Variants in RAB27A observed in about 807,000 individuals in gnomAD.
RAB27A encodes RAB27A, member RAS oncogene family, also known as ras-related protein Rab-27A.
RAB27A carries 17 observed loss-of-function variants against 20.8 expected under a neutral mutation model. The ratio of observed to expected loss-of-function variants is 0.82; its 90% CI spans 0.56 to 1.23. The LOEUF is 1.23. RAB27A is among the 50% of genes most tolerant of loss of function. The pLI is 0.00. For synonymous variants in RAB27A, 85 were observed against 92.8 expected, an observed-to-expected ratio of 0.92 and a Z score of 0.48; for missense variants, 277 against 266.7, an observed-to-expected ratio of 1.04 and a Z score of -0.27.
chr15:55,238,917 T>A (rs78526068), intron 2 of RAB27A, among the ~76,000 whole-genome samples: 11,611 of 152,262 alleles, frequency 0.076, 693 homozygotes, highest in Admixed American at 0.18. Context: ...CAAAAGAATC[T>A]GGTTCATATT....
chr15:55,305,213 T>C (rs28799296), intron 2 of RAB27A, among the ~76,000 whole-genome samples: 72,204 of 152,022 alleles, frequency 0.47, 20,475 homozygotes, highest in African/African-American at 0.78. Flanking sequence ...TCTCAGTCCC[T>C]ACTCCACAGG....
At chr15:55,214,422 C>T (rs369481901) in intron 6 of RAB27A, among the ~76,000 whole-genome samples, 33 of 152,218 alleles carry the variant, frequency 2.2e-4, no homozygotes, top group African/African-American at 6.3e-4. Context: ...GGCGACAGAG[C>T]GAGACTCCGT....
intron 1 of RAB27A, among the ~76,000 whole-genome samples, chr15:55,273,687 A>C (rs905314693): frequency 6.6e-6 from 1 of 152,222 alleles, no homozygotes. Context: ...TGAATTCATC[A>C]AGCAGATATA....
intron 1 of RAB27A, among the ~76,000 whole-genome samples, chr15:55,279,619 T>G (rs562786857): frequency 3.9e-5 from 6 of 152,346 alleles, no homozygotes; most frequent in Admixed American, 2.6e-4. Context: ...ATAATAATAC[T>G]GACCTAGCAA....
chr15:55,296,851 C>A (rs928808568), intron 2 of RAB27A, among the ~76,000 whole-genome samples: 11 of 151,906 alleles, frequency 7.2e-5, no homozygotes, highest in African/African-American at 2.4e-4. Flanking sequence ...GGGAGGCCCA[C>A]GTTTTGTCAT....
chr15:55,300,386 G>T (rs962414371), intron 2 of RAB27A, among the ~76,000 whole-genome samples: 2 of 152,068 alleles, frequency 1.3e-5, no homozygotes, highest in African/African-American at 4.8e-5. Flanking sequence ...AAAGACAAAA[G>T]GGGTGTTTCT....
At chr15:55,309,332 T>C (rs770717483) in intron 2 of RAB27A, among the ~76,000 whole-genome samples, 15 of 152,240 alleles carry the variant, frequency 9.9e-5, no homozygotes, top group Non-Finnish European at 1.6e-4. Flanking sequence ...CCCTAAGTAT[T>C]AAACCTGCTG....
At chr15:55,251,511 G>C (rs1306249009) in intron 2 of RAB27A, among the ~76,000 whole-genome samples, 1 of 152,130 alleles carries the variant, frequency 6.6e-6, no homozygotes, top group Non-Finnish European at 1.5e-5. Flanking sequence ...ATCCTTTCTT[G>C]TATCTAAATG....
chr15:55,275,931 A>C (rs11858627), intron 1 of RAB27A, among the ~76,000 whole-genome samples: 3 of 150,088 alleles, frequency 2.0e-5, no homozygotes, highest in African/African-American at 7.3e-5. Context: ...AAAAAAAAAA[A>C]AAAAAAAAAC....
chr15:55,233,150 A>C, intron 3 of RAB27A, among the ~76,000 whole-genome samples: 1 of 152,096 alleles, frequency 6.6e-6, no homozygotes, highest in East Asian at 1.9e-4. Flanking sequence ...AAAAAAATTA[A>C]CTGCATACAG....
chr15:55,209,863 C>CGTATACACACATATATGTGT (rs1166125969), intron 6 of RAB27A, among the ~76,000 whole-genome samples: 1 of 18,402 alleles, frequency 5.4e-5, no homozygotes, highest in Admixed American at 8.0e-4. Flanking sequence ...TGTGTATATA[C>CGTATACACACATATATGTGT]ATATATACAT....
intron 2 of RAB27A, among the ~76,000 whole-genome samples, chr15:55,245,822 T>C (rs1395383726): frequency 6.6e-6 from 1 of 152,204 alleles, no homozygotes; most frequent in African/African-American, 2.4e-5. Flanking sequence ...TAAATATACA[T>C]TTCTGGGCCG....
chr15:55,235,023 GT>G, intron 2 of RAB27A, 67 bp from the exon 3 acceptor site: 6 of 1,299,230 alleles, frequency 4.6e-6, no homozygotes, highest in Non-Finnish European at 6.4e-6. Context: ...CATTTAAAAA[GT>G]GACAACAATA....
At chr15:55,252,797 A>G (rs1335465756) in intron 2 of RAB27A, among the ~76,000 whole-genome samples, 1 of 152,136 alleles carries the variant, frequency 6.6e-6, no homozygotes, top group Non-Finnish European at 1.5e-5. Flanking sequence ...AGTTACAGCA[A>G]TTTATTCAAT....
chr15:55,275,425 G>T (rs1897837601), intron 1 of RAB27A, among the ~76,000 whole-genome samples: 1 of 151,808 alleles, frequency 6.6e-6, no homozygotes, highest in African/African-American at 2.4e-5. Flanking sequence ...GCAGGAGTTT[G>T]AAACCAGCCT....
intron 1 of RAB27A, among the ~76,000 whole-genome samples, chr15:55,283,586 T>G (rs1429355423): frequency 2.0e-5 from 3 of 152,186 alleles, no homozygotes; most frequent in East Asian, 3.9e-4. Flanking sequence ...GACAATGACT[T>G]ATCTTTTCAA....
chr15:55,229,576 G>A (rs1895950908), intron 4 of RAB27A, among the ~76,000 whole-genome samples: 1 of 151,994 alleles, frequency 6.6e-6, no homozygotes, highest in Non-Finnish European at 1.5e-5. Context: ...TCGGGAGGCT[G>A]AGGCAGGAGA....
At chr15:55,254,920 T>C (rs1897025521) in intron 2 of RAB27A, among the ~76,000 whole-genome samples, 1 of 152,238 alleles carries the variant, frequency 6.6e-6, no homozygotes, top group African/African-American at 2.4e-5. Flanking sequence ...AATTTAGTTG[T>C]CCAAGTATTA....
intron 5 of RAB27A, 78 bp from the exon 6 acceptor site, chr15:55,224,090 G>T: frequency 8.7e-7 from 1 of 1,147,932 alleles, no homozygotes; most frequent in Non-Finnish European, 1.3e-6. Flanking sequence ...ATGCAAAAGT[G>T]CTTTGAAGAC....
Sources: allele counts gnomAD v4.1 joint callset (sites outside exome capture counted in the v4.1 genomes callset), GRCh38; gene constraint gnomAD v4.1.1; transcripts MANE v1.5; gene names NCBI Gene and HGNC (gene_info 2026-07-23, HGNC 2026-07-21).